The following MAGI2 variants were observed in gnomAD, a reference collection of about 807,000 sequenced individuals.
MAGI2 encodes the protein membrane associated guanylate kinase, WW and PDZ domain containing 2.
A neutral mutation model predicts 133.3 loss-of-function variants in MAGI2; 35 were observed. That is an observed-to-expected ratio of 0.26 (90% CI 0.20 to 0.35). The LOEUF (loss-of-function observed/expected upper bound fraction) is 0.35, where lower values mean the gene tolerates loss of function less well. Among genes scored for constraint, MAGI2 ranks in the 10% least tolerant of loss-of-function variants. MAGI2 has a pLI of 1.00. For missense variants in MAGI2, 1,636 were observed against 1,863.4 expected, an observed-to-expected ratio of 0.88 and a Z score of 2.25; for synonymous variants, 729 against 710.6, an observed-to-expected ratio of 1.03 and a Z score of -0.41.
At chr7:78,891,332 T>G (rs1035181306) in intron 2 of MAGI2, among the ~76,000 whole-genome samples, 1 of 152,222 alleles carries the variant, frequency 6.6e-6, no homozygotes, top group Admixed American at 6.5e-5. Context: ...ATTCTGAAAC[T>G]ATTCCAATCA....
chr7:78,252,711 G>C lies in MAGI2; in HGVS notation c.2047+3232C>G, dbSNP rs191787231. On this transcript the variant is annotated intron_variant, in intron 10 of 21. Transcript: ENST00000354212. ...AATCCCAGCACTTCGGGAGGCTGAG[G>C]TGGGTGGATCACGAGGTCAGGATAC... The C allele has an allele frequency of 2.6e-5, 4 of 152,178 alleles. No individual in the cohort carries two copies. In the East Asian group the frequency reaches 7.7e-4, roughly 29 times the overall value. 9.4% of individuals were successfully genotyped at this position (152,178 alleles called of 1,614,324 possible). A position where few individuals can be genotyped will look rare whatever the true frequency, so the allele number is the denominator to read the frequency against.
intron 2 of MAGI2, among the ~76,000 whole-genome samples, chr7:78,821,178 T>C (rs144362838): frequency 4.5e-4 from 68 of 152,172 alleles, no homozygotes; most frequent in South Asian, 6.2e-4. Context: ...ACCTCTGTTT[T>C]CTCTGTTCTA....
At chr7:79,006,873 G>GA (rs1562778620) in intron 2 of MAGI2, 2 of 414,220 alleles carry the variant, frequency 4.8e-6, no homozygotes, top group Non-Finnish European at 8.5e-6. Context: ...TTTATAGCTT[G>GA]AAAATCACAA....
At chr7:78,573,365 AATATATATATATATATATATATATAT>A (rs58739225) in intron 3 of MAGI2, among the ~76,000 whole-genome samples, 3 of 29,048 alleles carry the variant, frequency 1.0e-4, no homozygotes, top group African/African-American at 5.5e-4. Flanking sequence ...GAATCCTGGA[AATATATATATATATATATATATATAT>A]ATATATATAT....
At chr7:79,127,743 G>A (rs938823380) in intron 1 of MAGI2, among the ~76,000 whole-genome samples, 5 of 152,184 alleles carry the variant, frequency 3.3e-5, no homozygotes, top group Admixed American at 6.5e-5. Context: ...CTCCCATTCT[G>A]TAGGTTGCCT....
chr7:79,113,178 A>G (rs1819078290), intron 1 of MAGI2, among the ~76,000 whole-genome samples: 1 of 152,168 alleles, frequency 6.6e-6, no homozygotes. Flanking sequence ...ATTTGTCAGT[A>G]TCACTTCCTC....
chr7:78,537,173 A>ACACG (rs1468651495), intron 3 of MAGI2, among the ~76,000 whole-genome samples: 4 of 66,772 alleles, frequency 6.0e-5, no homozygotes, highest in Non-Finnish European at 1.4e-4. Flanking sequence ...ATTCCACTAC[A>ACACG]CACACACACA....
intron 9 of MAGI2, among the ~76,000 whole-genome samples, chr7:78,262,598 C>T (rs1264039524): frequency 6.6e-6 from 1 of 152,116 alleles, no homozygotes; most frequent in Non-Finnish European, 1.5e-5. Context: ...TGTTGTTAGG[C>T]CAGGTATGCC....
intron 1 of MAGI2, among the ~76,000 whole-genome samples, chr7:79,440,521 G>A (rs574648935): frequency 1.9e-4 from 29 of 152,114 alleles, no homozygotes; most frequent in African/African-American, 7.0e-4. Flanking sequence ...GAATTTGACT[G>A]AGCCTATGTA....
intron 1 of MAGI2, among the ~76,000 whole-genome samples, chr7:79,303,479 A>G (rs184245031): frequency 5.1e-4 from 77 of 152,314 alleles, no homozygotes; most frequent in African/African-American, 1.8e-3. Context: ...ATCTGTGCCA[A>G]AGTGTTTTCA....
At chr7:79,018,696 G>A (rs1042465688) in intron 1 of MAGI2, among the ~76,000 whole-genome samples, 1 of 152,166 alleles carries the variant, frequency 6.6e-6, no homozygotes, top group Non-Finnish European at 1.5e-5. Context: ...AAAAGGGATG[G>A]AGAAAAATCT....
At chr7:79,109,205 T>C (rs1054446981) in intron 1 of MAGI2, among the ~76,000 whole-genome samples, 1 of 151,552 alleles carries the variant, frequency 6.6e-6, no homozygotes, top group South Asian at 2.1e-4. Context: ...CAGGCAGAGG[T>C]TGGAAGGGTT....
intron 1 of MAGI2, among the ~76,000 whole-genome samples, chr7:79,429,610 T>C (rs10250520): frequency 0.48 from 73,721 of 152,040 alleles, 18,238 homozygotes; most frequent in Middle Eastern, 0.66. Context: ...CAGCCAATTC[T>C]ATTATATTTC....
chr7:78,832,848 G>A (rs4727763), intron 2 of MAGI2, among the ~76,000 whole-genome samples: 13,277 of 152,158 alleles, frequency 0.087, 764 homozygotes, highest in East Asian at 0.2. Flanking sequence ...GCAGTCAGGG[G>A]GGTTTCACAT....
At chr7:78,834,043 A>T (rs913207925) in intron 2 of MAGI2, among the ~76,000 whole-genome samples, 6 of 152,160 alleles carry the variant, frequency 3.9e-5, no homozygotes, top group Non-Finnish European at 7.3e-5. Context: ...CTTTTGCCCA[A>T]GCTAGAGTGC....
intron 9 of MAGI2, among the ~76,000 whole-genome samples, chr7:78,333,777 G>A (rs1056867829): frequency 6.6e-6 from 1 of 152,228 alleles, no homozygotes; most frequent in African/African-American, 2.4e-5. Context: ...GCTAGCCCCA[G>A]GAGAGCTTCA....
At chr7:79,022,046 G>A (rs868569043) in intron 1 of MAGI2, among the ~76,000 whole-genome samples, 15 of 152,194 alleles carry the variant, frequency 9.9e-5, no homozygotes, top group African/African-American at 3.6e-4. Context: ...CCTGTGAAAA[G>A]GTGCCCTCCA....
rs577129998 is a variant in MAGI2, at chr7:79,123,835, C to T, written c.302-116629G>A. Among the ~76,000 whole-genome samples the T allele has an allele frequency of 6.9e-5, 10 of 144,522 alleles. No homozygotes were observed. The East Asian group carries it at 1.9e-3, about 27-fold the overall frequency. 94.8% of individuals were successfully genotyped at this position (144,522 alleles called of 152,430 possible). A position where few individuals can be genotyped will look rare whatever the true frequency, so the allele number is the denominator to read the frequency against. ...GATAACGCACATCAAGTGCTTATTT[C>T]ATCATCTGTAACGTGGTATCTATTT... On this transcript the variant is annotated intron_variant, in intron 1 of 21. Coordinates refer to ENST00000354212, the MANE Select transcript of MAGI2 (RefSeq NM_012301.4).
intron 9 of MAGI2, among the ~76,000 whole-genome samples, chr7:78,322,402 C>T (rs552120650): frequency 6.6e-6 from 1 of 152,276 alleles, no homozygotes; most frequent in East Asian, 1.9e-4. Flanking sequence ...AAATGTGGCA[C>T]ATATACACCA....
Sources: gnomAD v4.1 joint callset for allele counts (sites outside exome capture counted in the v4.1 genomes callset) on GRCh38, gnomAD v4.1.1 for gene constraint, MANE v1.5 for transcripts, NCBI Gene and HGNC (gene_info 2026-07-23, HGNC 2026-07-21) for gene names.